FRYL: variants seen among roughly 807,000 people sequenced by gnomAD.
FRYL encodes the protein FRY like transcription coactivator.
In FRYL, 150 loss-of-function variants were observed where a neutral mutation model predicts 351.2. The observed-to-expected ratio is 0.43, with a 90% CI of 0.37 to 0.49. The LOEUF (loss-of-function observed/expected upper bound fraction) is 0.49. Among genes scored for constraint, FRYL ranks in the 20% least tolerant of loss-of-function variants. The pLI is 0.00. For synonymous variants in FRYL, 1,153 were observed against 1,257.1 expected (o/e 0.92, Z 1.75); for missense variants, 3,036 against 3,619.3 (o/e 0.84, Z 4.13).
At position 48,551,525 on chromosome 4, in the gene FRYL, T is replaced by A. The variant is rs772470442; in HGVS notation, c.4489A>T (p.Asn1497Tyr). The A allele has an allele frequency of 1.2e-6, 2 of 1,611,446 alleles. No homozygotes were observed. Among genetic ancestry groups the A allele is most frequent in the East Asian group, 2.2e-5 (1 of 44,832 alleles). Reference protein sequence around the residue: ...MVAPTDGNPDNKPIKENIEES... With the variant: ...MVAPTDGNPDYKPIKENIEES... ...TCAATATTCTCTTTAATGGGCTTATTATCAGGATTGCCATCTGTGGGAGCT... is the reference window on the plus strand; with the variant it reads ...TCAATATTCTCTTTAATGGGCTTATAATCAGGATTGCCATCTGTGGGAGCT... Residue 1497 changes from asparagine to tyrosine, a missense_variant, in exon 37 of 64, where the codon AAT becomes TAT. Asn to Tyr is a moderately radical substitution (Grantham distance 143). Around this residue, in one of 7 missense-constraint regions of FRYL, gnomAD observed 1,987 missense variants for 2,311.7 expected, o/e 0.86. Transcript: ENST00000358350.
At position 48,634,401 on chromosome 4, in the gene FRYL, T is replaced by A; in HGVS notation, c.10A>T (p.Ile4Phe). 6.2e-7 allele frequency: 1 copy of A among 1,612,516 alleles called. No homozygotes were observed. Among genetic ancestry groups the A allele is most frequent in the Non-Finnish European group, 8.5e-7 (1 of 1,178,616 alleles). Residue 4 changes from isoleucine (I) to phenylalanine (F), a missense_variant, in exon 4 of 64, where the codon ATT becomes TTT. Around this residue, in one of 7 missense-constraint regions of FRYL, gnomAD observed 457 missense variants for 566.6 expected, o/e 0.81. Coordinates refer to ENST00000358350, the MANE Select transcript of FRYL (RefSeq NM_015030.2). MSN[I>F]TIDPDVKPGE... ...GGTTTGACATCTGGGTCAATCGTAA[T>A]GTTTGACATGATGATATTTTTTTTT...
rs372694799 is a variant in FRYL, at chr4:48,602,351, T to C, written c.934-230A>G. Among the ~76,000 whole-genome samples the C allele has an allele frequency of 3.3e-3, 495 of 152,284 alleles. 3 individuals carry two copies. Among genetic ancestry groups the C allele is most frequent in the African/African-American group, 0.011 (477 of 41,568 alleles). On this transcript the variant is annotated intron_variant, in intron 12 of 63. Transcript: ENST00000358350. ...GATCATACCTCTCTGAGTTAGAATA[T>C]GCTATTAGTTCTCCCTCAACCCATT...
At chr4:48,523,163 T>C in intron 53 of FRYL, 59 bp from the exon 54 acceptor site, 4 of 1,148,594 alleles carry the variant, frequency 3.5e-6, no homozygotes, top group Non-Finnish European at 5.1e-6. Context: ...ATGTACTAAA[T>C]GTAATATACC....
intron 1 of FRYL, among the ~76,000 whole-genome samples, chr4:48,747,164 C>CG (rs35461277): frequency 6.7e-6 from 1 of 149,906 alleles, no homozygotes; most frequent in Non-Finnish European, 1.5e-5. Context: ...TTCCCCTATC[C>CG]CCCCCCAAAA....
At position 48,565,540 on chromosome 4, in the gene FRYL, A is replaced by G. The variant is rs1216047996; in HGVS notation, c.3321T>C (p.Cys1107=). The G allele has an allele frequency of 1.3e-6, 2 of 1,570,524 alleles. No individual in the cohort carries two copies. The highest frequency in any genetic ancestry group is 1.7e-6 in the Non-Finnish European group (2 of 1,163,522). ...RNMQINRHQY[C]ALKAMSAVLC... ...GTTTCTAAGTAAATACCTTTAACGCACAGTATTGATGTCTATTAATTTGCA... is the reference window on the plus strand; with the variant it reads ...GTTTCTAAGTAAATACCTTTAACGCGCAGTATTGATGTCTATTAATTTGCA... Residue 1107 remains cysteine (C), a synonymous_variant, in exon 29 of 64, where the codon TGT becomes TGC. Transcript: ENST00000358350.
chr4:48,736,864 AAAAAAAG>A (rs1400870835), intron 1 of FRYL, among the ~76,000 whole-genome samples: 13 of 150,228 alleles, frequency 8.7e-5, no homozygotes, highest in Non-Finnish European at 1.6e-4. Context: ...AAAAAAAAAA[AAAAAAAG>A]AAAAAAGAAA....
At chr4:48,523,322 C>T (rs1373195163) in intron 53 of FRYL, among the ~76,000 whole-genome samples, 1 of 152,060 alleles carries the variant, frequency 6.6e-6, no homozygotes, top group African/African-American at 2.4e-5. Context: ...CCTGTTTTAA[C>T]GAAATAATTT....
intron 1 of FRYL, among the ~76,000 whole-genome samples, chr4:48,762,230 T>C (rs368235047): frequency 9.2e-5 from 14 of 152,212 alleles, no homozygotes; most frequent in East Asian, 5.8e-4. Context: ...CCAGAACTGA[T>C]GAAGACATTC....
intron 1 of FRYL, among the ~76,000 whole-genome samples, chr4:48,743,942 C>CCT (rs10625253): frequency 0.99 from 150,517 of 152,294 alleles, 74,400 homozygotes; most frequent in East Asian, 1. Flanking sequence ...TCTCCCTTTC[C>CCT]CTGTCTTCCC....
At chr4:48,521,874 C>A (rs1157422320) in intron 54 of FRYL, among the ~76,000 whole-genome samples, 2 of 152,156 alleles carry the variant, frequency 1.3e-5, no homozygotes, top group Non-Finnish European at 2.9e-5. Flanking sequence ...TGACTGGACA[C>A]CAACCACAAA....
At chr4:48,502,876 A>T in intron 60 of FRYL, 31 bp from the exon 61 acceptor site, 1 of 1,593,292 alleles carries the variant, frequency 6.3e-7, no homozygotes, top group Non-Finnish European at 8.6e-7. Context: ...GTCACAAAAA[A>T]TACAAAGGAA....
intron 47 of FRYL, among the ~76,000 whole-genome samples, chr4:48,537,162 A>G (rs1165940563): frequency 6.6e-6 from 1 of 152,220 alleles, no homozygotes; most frequent in Non-Finnish European, 1.5e-5. Context: ...TTTAAAACAT[A>G]AAAAACTTTC....
chr4:48,596,053 CA>C, intron 13 of FRYL, 53 bp from the exon 14 acceptor site: 1 of 1,154,402 alleles, frequency 8.7e-7, no homozygotes, highest in Non-Finnish European at 1.3e-6. Flanking sequence ...AATCACTTAA[CA>C]GCAAACATAT....
intron 49 of FRYL, among the ~76,000 whole-genome samples, 170 bp from the exon 50 acceptor site, chr4:48,531,523 GTTA>G (rs1357335215): frequency 7.9e-5 from 12 of 152,268 alleles, no homozygotes; most frequent in African/African-American, 2.6e-4. Context: ...GAAAACACAA[GTTA>G]TTATTTGTAC....
chr4:48,503,744 G>C (rs539592579), intron 60 of FRYL, among the ~76,000 whole-genome samples: 1 of 152,258 alleles, frequency 6.6e-6, no homozygotes, highest in Admixed American at 6.5e-5. Flanking sequence ...TGCTAAATAA[G>C]CAAAGGTGAA....
chr4:48,622,073 A>G, intron 5 of FRYL, among the ~76,000 whole-genome samples: 1 of 152,184 alleles, frequency 6.6e-6, no homozygotes, highest in East Asian at 1.9e-4. Flanking sequence ...AACAGTTTAT[A>G]CCACACAGAG....
chr4:48,616,094 G>A (rs942281628), intron 7 of FRYL, among the ~76,000 whole-genome samples: 1 of 152,056 alleles, frequency 6.6e-6, no homozygotes, highest in Non-Finnish European at 1.5e-5. Flanking sequence ...GGGAGGGACG[G>A]CATTAGGAGA....
intron 2 of FRYL, among the ~76,000 whole-genome samples, chr4:48,701,562 T>C (rs931618176): frequency 6.6e-6 from 1 of 152,214 alleles, no homozygotes; most frequent in Non-Finnish European, 1.5e-5. Context: ...ATTTTGCAAG[T>C]TGTAGGCAGT....
intron 1 of FRYL, among the ~76,000 whole-genome samples, chr4:48,775,081 A>T (rs958450527): frequency 9.8e-5 from 15 of 152,364 alleles, no homozygotes; most frequent in Admixed American, 4.6e-4. Context: ...ATTTCGCCCC[A>T]CAGGAACAGC....
Sources: allele counts gnomAD v4.1 joint callset (sites outside exome capture counted in the v4.1 genomes callset), GRCh38; gene constraint gnomAD v4.1.1; regional missense constraint gnomAD v4.1.1; transcripts MANE v1.5; gene names NCBI Gene and HGNC (gene_info 2026-07-23, HGNC 2026-07-21).